Variants in SLC18A2 observed in about 807,000 individuals in gnomAD.
The protein encoded by SLC18A2 is synaptic vesicular amine transporter.
In SLC18A2, 33 loss-of-function variants were observed where a neutral mutation model predicts 59.2. The observed-to-expected ratio is 0.56, with a 90% CI of 0.42 to 0.75. SLC18A2 has a LOEUF of 0.75. Among genes scored for constraint, SLC18A2 ranks in the 30% least tolerant of loss-of-function variants. The pLI, the probability that SLC18A2 is intolerant of heterozygous loss-of-function variation, is 0.00. For missense variants in SLC18A2, 569 were observed against 668.6 expected (o/e 0.85, Z 1.64); for synonymous variants, 228 against 253.5 (o/e 0.90, Z 0.95).
intron 15 of SLC18A2, among the ~76,000 whole-genome samples, chr10:117,270,672 T>A (rs868778236): frequency 2.0e-5 from 3 of 152,324 alleles, no homozygotes; most frequent in Non-Finnish European, 2.9e-5. Context: ...ACTGGGAGAA[T>A]GAAATTATTT....
In SLC18A2 at chr10:117,241,743, G is replaced by A. The variant is rs1042543; in HGVS notation, c.50G>A (p.Arg17His). ...ALVRWLQESRRSRKLILFIVF... is the reference protein window; with the variant it reads ...ALVRWLQESRHSRKLILFIVF... ...GTCCGCTGGCTGCAGGAGAGCCGCC[G>A]CTCGCGGAAGCTCATCCTGTTCATC... Residue 17 changes from arginine (R) to histidine (H), a missense_variant, in exon 2 of 16, where the codon CGC becomes CAC. Coordinates refer to ENST00000644641, the MANE Select transcript of SLC18A2 (RefSeq NM_003054.6). 1 of 1,609,934 alleles carries A rather than the reference G, an allele frequency of 6.2e-7. No homozygotes were observed. Among genetic ancestry groups the A allele is most frequent in the East Asian group, 2.2e-5 (1 of 44,578 alleles).
At chr10:117,275,051 C>T (rs756867232) in intron 15 of SLC18A2, among the ~76,000 whole-genome samples, 4 of 152,106 alleles carry the variant, frequency 2.6e-5, no homozygotes, top group Admixed American at 6.5e-5. Flanking sequence ...CATTTCCTTG[C>T]GAATCATTAA....
Position 117,244,074 on chromosome 10 carries a change from C to T in SLC18A2, c.225C>T (p.Phe75=). The change falls in exon 3 of 16, where the codon TTC becomes TTT. Residue 75 remains phenylalanine (F), a synonymous_variant. Coordinates refer to ENST00000644641, the MANE Select transcript of SLC18A2 (RefSeq NM_003054.6). ...PVHTASISDS[F]QSIFSYYDNS... ...ACACTGCCTCCATCTCAGACAGCTTCCAGAGCATCTTCTCCTATTATGATA... is the reference window on the plus strand; with the variant it reads ...ACACTGCCTCCATCTCAGACAGCTTTCAGAGCATCTTCTCCTATTATGATA... The T allele has an allele frequency of 6.2e-7, 1 of 1,614,182 alleles. No homozygotes were observed. The highest frequency in any genetic ancestry group is 1.1e-5 in the South Asian group (1 of 91,074).
In SLC18A2 at chr10:117,255,356, C is replaced by T. The variant is rs1172146522; in HGVS notation, c.780C>T (p.Leu260=). 6.2e-7 allele frequency: 1 copy of T among 1,614,240 alleles called. No homozygotes were observed. The highest frequency in any genetic ancestry group is 8.5e-7 in the Non-Finnish European group (1 of 1,180,044). ...TCCTGGTGCTGGCCGCCCTGGTACT[C>T]TTGGATGGAGGTGAGTGAGTCCACG... ...APFLVLAALV[L]LDGAIQLFVL... is the part of the protein sequence containing the mutation. The change falls in exon 7 of 16, where the codon CTC becomes CTT. Residue 260 remains leucine, a synonymous_variant. Coordinates refer to ENST00000644641, the MANE Select transcript of SLC18A2 (RefSeq NM_003054.6).
intron 9 of SLC18A2, among the ~76,000 whole-genome samples, chr10:117,257,094 C>T (rs1364582965): frequency 6.6e-6 from 1 of 152,180 alleles, no homozygotes; most frequent in Non-Finnish European, 1.5e-5. Context: ...CATATGTGCA[C>T]CTTCATCACG....
chr10:117,258,573 A>AT (rs34975750), intron 10 of SLC18A2, among the ~76,000 whole-genome samples: 3 of 148,578 alleles, frequency 2.0e-5, no homozygotes, highest in African/African-American at 7.4e-5. Context: ...ATTAAATTTT[A>AT]TTTTTTTTTA....
chr10:117,267,789 G>GAA, intron 13 of SLC18A2, 53 bp downstream of exon 13: 2 of 1,398,458 alleles, frequency 1.4e-6, no homozygotes, highest in Non-Finnish European at 2.0e-6. Flanking sequence ...CCACTAGGAA[G>GAA]GGTTCTTCTT....
At chr10:117,268,987 CATACACACAA>C (rs1225027018) in intron 13 of SLC18A2, among the ~76,000 whole-genome samples, 1 of 50,236 alleles carries the variant, frequency 2.0e-5, no homozygotes, top group Non-Finnish European at 7.3e-5. Flanking sequence ...CACACACATT[CATACACACAA>C]ACACACATAC....
chr10:117,247,547 A>G (rs1251979360), intron 3 of SLC18A2, among the ~76,000 whole-genome samples: 1 of 152,188 alleles, frequency 6.6e-6, no homozygotes, highest in Admixed American at 6.5e-5. Flanking sequence ...ATGCAGCTCA[A>G]AATCTGTCTT....
rs772059897 is a variant in SLC18A2 at position 117,277,278 on chromosome 10, C to G, written c.*12C>G. The stretch of plus-strand genomic sequence containing the variant: ...CTGAAAGTGACTGAGATGAGATCCT[C>G]AAAAATCATCAAAGTGTTTAATTGT... On this transcript the variant is annotated 3_prime_UTR_variant, in exon 16 of 16. Coordinates refer to ENST00000644641, the MANE Select transcript of SLC18A2 (RefSeq NM_003054.6). 2.1e-5 allele frequency: 30 copies of G among 1,462,572 alleles called. No individual in the cohort carries two copies. The highest frequency in any genetic ancestry group is 2.9e-5 in the Non-Finnish European group (30 of 1,045,588). The allele number at this position is 1,462,572 out of a possible 1,614,324, so 90.6% of individuals were successfully genotyped here.
Position 117,257,878 on chromosome 10 carries a change from G to C in SLC18A2, c.977G>C (p.Arg326Pro), listed in dbSNP as rs370523898. The C allele has an allele frequency of 2.5e-6, 4 of 1,611,002 alleles. No homozygotes were observed. The highest frequency in any genetic ancestry group is 3.4e-6 in the Non-Finnish European group (4 of 1,178,442). The part of the protein sequence containing the change: ...PIWMMETMCS[R>P]KWQLGVAFLP... ...TGGATGATGGAGACCATGTGTTCCCGAAAGTGGCAGCTGGGTAAGGACTGG... is the reference window on the plus strand; with the variant it reads ...TGGATGATGGAGACCATGTGTTCCCCAAAGTGGCAGCTGGGTAAGGACTGG... The change falls in exon 10 of 16, where the codon CGA becomes CCA. Residue 326 changes from arginine (R) to proline (P), a missense_variant. By Grantham distance (103) the Arg-to-Pro change is moderately radical (BLOSUM62 -2). Coordinates refer to ENST00000644641, the MANE Select transcript of SLC18A2 (RefSeq NM_003054.6).
rs1844057768 is a variant in SLC18A2 at position 117,241,777 on chromosome 10, G to C, written c.84G>C (p.Leu28=). The C allele has an allele frequency of 6.2e-7, 1 of 1,611,038 alleles. No homozygotes were observed. Among genetic ancestry groups the C allele is most frequent in the East Asian group, 2.2e-5 (1 of 44,586 alleles). Reference sequence around the variant, plus strand: ...AGCTCATCCTGTTCATCGTGTTCCTGGCGCTGCTGCTGGACAACATGCTGC... The same window carrying C: ...AGCTCATCCTGTTCATCGTGTTCCTCGCGCTGCTGCTGGACAACATGCTGC... The part of the protein sequence containing the change: ...SRKLILFIVF[L]ALLLDNMLLT... The change falls in exon 2 of 16, where the codon CTG becomes CTC. Residue 28 remains leucine (L), a synonymous_variant. Transcript: ENST00000644641.
chr10:117,244,569 T>C (rs1201593790), intron 3 of SLC18A2, among the ~76,000 whole-genome samples: 1 of 152,218 alleles, frequency 6.6e-6, no homozygotes, highest in Admixed American at 6.5e-5. Flanking sequence ...TTCCACCAAG[T>C]GGGAGGACTT....
chr10:117,271,664 C>G (rs1844429437), intron 15 of SLC18A2, among the ~76,000 whole-genome samples: 1 of 152,174 alleles, frequency 6.6e-6, no homozygotes, highest in South Asian at 2.1e-4. Context: ...TTGTCCTTCC[C>G]TCCGCTTGCT....
rs966806798 is a variant in SLC18A2 at position 117,277,579 on chromosome 10, T to G, written c.*313T>G. The G allele has an allele frequency of 6.1e-6, 1 of 163,590 alleles. No homozygotes were observed. Among genetic ancestry groups the G allele is most frequent in the African/African-American group, 2.4e-5 (1 of 41,948 alleles). 10.1% of individuals were successfully genotyped at this position (163,590 alleles called of 1,614,324 possible). The stretch of plus-strand genomic sequence containing the variant: ...TAAATATTTGAATCCAAACCAAATA[T>G]AATTTTTTAACTTACATTAACAAAC... On this transcript the variant is annotated 3_prime_UTR_variant, in exon 16 of 16. Transcript: ENST00000644641.
intron 2 of SLC18A2, chr10:117,242,044 A>G (rs1438295646): frequency 8.8e-6 from 4 of 457,104 alleles, no homozygotes; most frequent in Non-Finnish European, 1.6e-5. Flanking sequence ...ACATCCGATA[A>G]GACCCAGAAC....
intron 9 of SLC18A2, among the ~76,000 whole-genome samples, chr10:117,256,010 G>A (rs780822989): frequency 2.6e-5 from 4 of 152,210 alleles, no homozygotes; most frequent in Non-Finnish European, 4.4e-5. Context: ...TGAACTTTCC[G>A]GAAGGAGTCC....
At chr10:117,265,473 T>C (rs1240445432) in intron 10 of SLC18A2, among the ~76,000 whole-genome samples, 1 of 152,134 alleles carries the variant, frequency 6.6e-6, no homozygotes, top group Admixed American at 6.5e-5. Context: ...ACTTTTACTA[T>C]GTGTGGGCAA....
intron 1 of SLC18A2, 154 bp from the exon 2 acceptor site, chr10:117,241,525 G>A: frequency 2.6e-6 from 2 of 774,542 alleles, no homozygotes; most frequent in African/African-American, 1.9e-5. Flanking sequence ...TCGTGGGGAC[G>A]CGCTCGAGGC....
Sources: gnomAD v4.1 joint callset for allele counts (sites outside exome capture counted in the v4.1 genomes callset) on GRCh38, gnomAD v4.1.1 for gene constraint, MANE v1.5 for transcripts, NCBI Gene and HGNC (gene_info 2026-07-23, HGNC 2026-07-21) for gene names.